The following LTBP1 variants were observed in gnomAD, a reference collection of about 807,000 sequenced individuals.
The protein encoded by LTBP1 is latent-transforming growth factor beta-binding protein 1.
In LTBP1, 129 loss-of-function variants were observed where a neutral mutation model predicts 207.6. The ratio of observed to expected loss-of-function variants is 0.62; its 90% CI spans 0.54 to 0.72. The LOEUF is 0.72. Among genes scored for constraint, LTBP1 ranks in the 30% least tolerant of loss-of-function variants. The pLI, the probability that LTBP1 is intolerant of heterozygous loss-of-function variation, is 0.00. For synonymous variants in LTBP1, 963 were observed against 833.7 expected (o/e 1.16, Z -2.67); for missense variants, 2,281 against 2,217.2 (o/e 1.03, Z -0.58).
At position 33,275,863 on chromosome 2, in the gene LTBP1, GC is replaced by G. The variant is rs1378157465; in HGVS notation, c.2934del (p.Phe979SerfsTer12). 1.2e-6 allele frequency: 2 copies of G among 1,612,482 alleles called. No individual in the cohort carries two copies. The highest frequency in any genetic ancestry group is 1.7e-6 in the Non-Finnish European group (2 of 1,179,320). On this transcript the variant is annotated frameshift_variant, in exon 18 of 34. Coordinates refer to ENST00000404816, the MANE Select transcript of LTBP1 (RefSeq NM_206943.4). LOFTEE classifies it high-confidence loss of function. ...GGGGCACTGTGTCAATACTGTGGGG[GC>G]CTTCCGGTGTGAATACTGTGACAGC... Reference protein sequence around the residue: ...GEGHCVNTVGAFRCEYCDSGY... With the variant: ...GEGHCVNTVGXFRCEYCDSGY...
At chr2:33,193,744 T>G (rs1289993928) in intron 7 of LTBP1, among the ~76,000 whole-genome samples, 1 of 152,194 alleles carries the variant, frequency 6.6e-6, no homozygotes, top group East Asian at 1.9e-4. Context: ...TTTTTGTTAC[T>G]ATTGTAATTG....
chr2:33,206,699 A>T (rs1558813734), intron 7 of LTBP1, among the ~76,000 whole-genome samples: 2 of 151,244 alleles, frequency 1.3e-5, no homozygotes, highest in African/African-American at 4.9e-5. Flanking sequence ...AGATTGTGCC[A>T]CTGCACTCCA....
chr2:33,086,229 G>T (rs1239730270), intron 3 of LTBP1, among the ~76,000 whole-genome samples: 1 of 152,204 alleles, frequency 6.6e-6, no homozygotes, highest in Non-Finnish European at 1.5e-5. Context: ...GAGACAGCAA[G>T]AACAAGGCTG....
intron 9 of LTBP1, among the ~76,000 whole-genome samples, chr2:33,222,472 G>A (rs773442332): frequency 3.2e-4 from 49 of 152,212 alleles, no homozygotes; most frequent in Non-Finnish European, 5.3e-4. Context: ...GTGCACACAT[G>A]TGCTTGCAGG....
At chr2:33,325,214 A>G (rs1298153537) in intron 24 of LTBP1, among the ~76,000 whole-genome samples, 1 of 152,126 alleles carries the variant, frequency 6.6e-6, no homozygotes, top group Non-Finnish European at 1.5e-5. Context: ...GCTTGTTTGC[A>G]TTTGAGCATT....
At chr2:33,004,059 C>A (rs1403334664) in intron 2 of LTBP1, among the ~76,000 whole-genome samples, 2 of 151,874 alleles carry the variant, frequency 1.3e-5, no homozygotes, top group African/African-American at 2.4e-5. Context: ...AATACACTCA[C>A]ATGGATTCCC....
At chr2:33,117,775 A>C (rs905093360) in intron 4 of LTBP1, among the ~76,000 whole-genome samples, 1 of 152,166 alleles carries the variant, frequency 6.6e-6, no homozygotes, top group Admixed American at 6.5e-5. Flanking sequence ...TTGGGGTGGC[A>C]ACTGGATAAA....
intron 28 of LTBP1, among the ~76,000 whole-genome samples, chr2:33,362,058 A>G (rs549073782): frequency 6.6e-6 from 1 of 152,182 alleles, no homozygotes; most frequent in African/African-American, 2.4e-5. Flanking sequence ...ATTTGATGCT[A>G]CGGTTATATA....
At chr2:33,111,372 C>G (rs2080389347) in intron 4 of LTBP1, among the ~76,000 whole-genome samples, 1 of 152,182 alleles carries the variant, frequency 6.6e-6, no homozygotes, top group African/African-American at 2.4e-5. Context: ...CCGGCAGCAT[C>G]TGGAGAAAAC....
At chr2:33,350,983 A>T (rs1327065799) in intron 26 of LTBP1, among the ~76,000 whole-genome samples, 2 of 152,022 alleles carry the variant, frequency 1.3e-5, no homozygotes, top group Admixed American at 6.6e-5. Context: ...TACAATGAAA[A>T]ATATATATAT....
At chr2:33,135,573 A>G (rs2082080843) in intron 5 of LTBP1, among the ~76,000 whole-genome samples, 1 of 148,828 alleles carries the variant, frequency 6.7e-6, no homozygotes, top group South Asian at 2.2e-4. Flanking sequence ...CTCCTTTTTT[A>G]CGTGGATTTG....
chr2:33,204,108 G>A (rs573009851), intron 7 of LTBP1, among the ~76,000 whole-genome samples: 62 of 152,274 alleles, frequency 4.1e-4, no homozygotes, highest in African/African-American at 1.5e-3. Flanking sequence ...TGTAGTGAGA[G>A]AAGCAACATT....
chr2:33,024,385 G>C (rs1164674298), intron 3 of LTBP1, among the ~76,000 whole-genome samples: 1 of 152,184 alleles, frequency 6.6e-6, no homozygotes, highest in African/African-American at 2.4e-5. Context: ...TTAAGCAAAG[G>C]CCTGCGATAA....
At position 33,304,125 on chromosome 2, in the gene LTBP1, G is replaced by C. The variant is rs1307837712; in HGVS notation, c.3481+2481G>C. 3.9e-5 allele frequency among the ~76,000 whole-genome samples: 6 copies of C among 152,310 alleles called. No homozygotes were observed. The South Asian group carries it at 1.2e-3, about 32-fold the overall frequency. The stretch of plus-strand genomic sequence containing the variant: ...AGCAAACTCGTTCTTCATTATTAAT[G>C]TATATAAGATATGACTATGTTCCGT... On this transcript the variant is annotated intron_variant, in intron 22 of 33. Transcript: ENST00000404816.
At chr2:33,035,229 A>G (rs1024909126) in intron 3 of LTBP1, among the ~76,000 whole-genome samples, 1 of 152,204 alleles carries the variant, frequency 6.6e-6, no homozygotes, top group Non-Finnish European at 1.5e-5. Context: ...GATTTATAAG[A>G]GATTTTCTTG....
chr2:32,972,020 A>T (rs1201933174), intron 2 of LTBP1, among the ~76,000 whole-genome samples: 1 of 151,864 alleles, frequency 6.6e-6, no homozygotes, highest in African/African-American at 2.4e-5. Context: ...TTCCTAGTTC[A>T]ATCTTAGGAG....
chr2:33,123,758 C>T (rs2081281680), intron 4 of LTBP1, among the ~76,000 whole-genome samples: 1 of 152,178 alleles, frequency 6.6e-6, no homozygotes, highest in African/African-American at 2.4e-5. Flanking sequence ...TCCTCCTCCT[C>T]ATCTATTTAG....
At chr2:33,190,538 G>A (rs2087746355) in intron 7 of LTBP1, among the ~76,000 whole-genome samples, 1 of 152,204 alleles carries the variant, frequency 6.6e-6, no homozygotes, top group Admixed American at 6.5e-5. Flanking sequence ...GGAGTTGTAA[G>A]ACCTTGATTA....
chr2:33,086,183 G>C (rs219106), intron 3 of LTBP1, among the ~76,000 whole-genome samples: 74,721 of 152,122 alleles, frequency 0.49, 21,011 homozygotes, highest in East Asian at 0.64. Context: ...GGACGCAACT[G>C]CTTGGCATTC....
Sources: gnomAD v4.1 joint callset for allele counts (sites outside exome capture counted in the v4.1 genomes callset) on GRCh38, gnomAD v4.1.1 for gene constraint, MANE v1.5 for transcripts, NCBI Gene and HGNC (gene_info 2026-07-23, HGNC 2026-07-21) for gene names.